The following ZMYND8 variants were observed in gnomAD, a reference collection of about 807,000 sequenced individuals.
The protein encoded by ZMYND8 is zinc finger MYND-type containing 8, also known as MYND-type zinc finger-containing chromatin reader ZMYND8.
A neutral mutation model predicts 140.8 loss-of-function variants in ZMYND8; 37 were observed. The observed-to-expected ratio is 0.26, with a 90% confidence interval of 0.20 to 0.35. The LOEUF (loss-of-function observed/expected upper bound fraction) is 0.35. ZMYND8 is among the 10% of genes least tolerant of loss of function. ZMYND8 has a pLI of 1.00. For missense variants in ZMYND8, 1,068 were observed against 1,570.0 expected (o/e 0.68, Z 5.40); for synonymous variants, 592 against 597.1 (o/e 0.99, Z 0.12).
chr20:47,308,377 C>T (rs923125779), intron 3 of ZMYND8, among the ~76,000 whole-genome samples: 7 of 151,854 alleles, frequency 4.6e-5, no homozygotes, highest in Non-Finnish European at 1.0e-4. Context: ...TGCCACCACG[C>T]CCGGCTAATT....
intron 2 of ZMYND8, among the ~76,000 whole-genome samples, chr20:47,338,710 C>A (rs2081586072): frequency 6.6e-6 from 1 of 152,126 alleles, no homozygotes; most frequent in African/African-American, 2.4e-5. Context: ...TAACGACAAC[C>A]ACCCCAGAGA....
chr20:47,273,206 G>A (rs554998805), intron 11 of ZMYND8, among the ~76,000 whole-genome samples: 1 of 152,266 alleles, frequency 6.6e-6, no homozygotes, highest in South Asian at 2.1e-4. Flanking sequence ...GCGAAGAAAG[G>A]TATTTTAACA....
intron 15 of ZMYND8, chr20:47,237,985 G>GA (rs2039454066): frequency 6.6e-6 from 1 of 152,202 alleles, no homozygotes; most frequent in Non-Finnish European, 1.5e-5. Flanking sequence ...TGTGTGTGAC[G>GA]AATCTCCAGT....
intron 3 of ZMYND8, among the ~76,000 whole-genome samples, chr20:47,306,289 G>A (rs1022087591): frequency 2.0e-5 from 3 of 152,086 alleles, no homozygotes; most frequent in Admixed American, 6.5e-5. Flanking sequence ...CAGCTACTTG[G>A]GAGGCTGAGG....
At chr20:47,230,086 C>T (rs78732240) in intron 16 of ZMYND8, among the ~76,000 whole-genome samples, 1,760 of 152,264 alleles carry the variant, frequency 0.012, 23 homozygotes, top group Middle Eastern at 0.034. Context: ...CAATGACCTA[C>T]GAGCCCAAAA....
chr20:47,303,104 A>G (rs564886597), intron 3 of ZMYND8, among the ~76,000 whole-genome samples: 2 of 152,146 alleles, frequency 1.3e-5, no homozygotes, highest in South Asian at 4.2e-4. Flanking sequence ...GAGAACCACT[A>G]ATGTAGAGGG....
intron 14 of ZMYND8, among the ~76,000 whole-genome samples, chr20:47,243,696 G>A (rs940153746): frequency 2.0e-5 from 3 of 152,084 alleles, no homozygotes; most frequent in South Asian, 2.1e-4. Flanking sequence ...ATATGGTTAT[G>A]TATCCTTGTC....
intron 11 of ZMYND8, among the ~76,000 whole-genome samples, chr20:47,275,632 G>A (rs1341968140): frequency 6.6e-6 from 1 of 151,974 alleles, no homozygotes; most frequent in Non-Finnish European, 1.5e-5. Context: ...CTCACAAGGG[G>A]TCACACTTTG....
intron 2 of ZMYND8, among the ~76,000 whole-genome samples, chr20:47,339,773 C>T (rs980073148): frequency 6.6e-6 from 1 of 152,158 alleles, no homozygotes; most frequent in Non-Finnish European, 1.5e-5. Context: ...AGGCACCACA[C>T]CCGGCCCCAA....
At chr20:47,221,220 A>C (rs189410452) in intron 20 of ZMYND8, 94 bp downstream of exon 20, 1 of 1,515,642 alleles carries the variant, frequency 6.6e-7, no homozygotes, top group Non-Finnish European at 8.9e-7. Flanking sequence ...AGCCTCCCAC[A>C]ACACGGAACT....
At position 47,347,533 on chromosome 20, in the gene ZMYND8, C is replaced by T. The variant is rs575019596; in HGVS notation, c.85+323G>A. Reference sequence around the variant, plus strand: ...TCAGAAAACGAGCAGCAGCTAGAGGCTCTGGTGGCTTCCAGAACATGCTTT... The same window carrying T: ...TCAGAAAACGAGCAGCAGCTAGAGGTTCTGGTGGCTTCCAGAACATGCTTT... On this transcript the variant is annotated intron_variant, in intron 2 of 22. Transcript: ENST00000471951. Among the ~76,000 whole-genome samples the T allele has an allele frequency of 2.0e-5, 3 of 152,304 alleles. No individual in the cohort carries two copies. The East Asian group carries it at 5.8e-4, about 29-fold the overall frequency.
intron 11 of ZMYND8, among the ~76,000 whole-genome samples, chr20:47,275,802 T>C (rs2147787076): frequency 6.6e-6 from 1 of 152,096 alleles, no homozygotes; most frequent in Admixed American, 6.5e-5. Context: ...GAGACAAGGT[T>C]TTTGCCATGT....
chr20:47,294,609 CA>C, intron 5 of ZMYND8, 56 bp downstream of exon 5: 1 of 1,544,102 alleles, frequency 6.5e-7, no homozygotes, highest in South Asian at 1.1e-5. Context: ...ATTAACAGAA[CA>C]AAACATATGT....
At chr20:47,316,822 A>T (rs1044305646) in intron 2 of ZMYND8, among the ~76,000 whole-genome samples, 1 of 151,930 alleles carries the variant, frequency 6.6e-6, no homozygotes, top group African/African-American at 2.4e-5. Context: ...AAGAAAGCTA[A>T]GAGTTTCTTT....
intron 15 of ZMYND8, 117 bp downstream of exon 15, chr20:47,238,641 A>G (rs1193329571): frequency 6.6e-7 from 1 of 1,506,722 alleles, no homozygotes; most frequent in Non-Finnish European, 8.9e-7. Context: ...TTCAAGATAC[A>G]ATGGCCCGGA....
intron 12 of ZMYND8, among the ~76,000 whole-genome samples, chr20:47,256,855 G>A (rs574802649): frequency 6.6e-6 from 1 of 152,158 alleles, no homozygotes; most frequent in African/African-American, 2.4e-5. Context: ...GGGGTGTGAC[G>A]ACGTTCCCTG....
At chr20:47,284,899 G>A (rs932561585) in intron 8 of ZMYND8, among the ~76,000 whole-genome samples, 3 of 151,534 alleles carry the variant, frequency 2.0e-5, no homozygotes, top group African/African-American at 7.3e-5. Flanking sequence ...TTGATCTATT[G>A]AAGAGAAAAA....
intron 2 of ZMYND8, 81 bp downstream of exon 2, chr20:47,347,775 A>T (rs2082450785): frequency 2.8e-6 from 4 of 1,405,506 alleles, no homozygotes; most frequent in Admixed American, 1.8e-5. Context: ...AGAGCCACAC[A>T]CTTCACTGCA....
chr20:47,297,274 T>C (rs566893266), intron 4 of ZMYND8, among the ~76,000 whole-genome samples: 1 of 152,314 alleles, frequency 6.6e-6, no homozygotes, highest in Non-Finnish European at 1.5e-5. Flanking sequence ...TTTCTTTTTA[T>C]GTATTTCTTA....
Sources: gnomAD v4.1 joint callset for allele counts (sites outside exome capture counted in the v4.1 genomes callset) on GRCh38, gnomAD v4.1.1 for gene constraint, MANE v1.5 for transcripts, NCBI Gene and HGNC (gene_info 2026-07-23, HGNC 2026-07-21) for gene names.